Variants in TSGA10 observed in about 807,000 individuals in gnomAD.
The protein encoded by TSGA10 is testis-specific gene 10 protein.
Under a neutral mutation model 96.6 loss-of-function variants are expected in TSGA10, and 43 were observed. That is an observed-to-expected ratio of 0.44 (90% confidence interval 0.35 to 0.57). The LOEUF (loss-of-function observed/expected upper bound fraction) is 0.57, where lower values mean the gene tolerates loss of function less well. Among genes scored for constraint, TSGA10 ranks in the 20% least tolerant of loss-of-function variants. TSGA10 has a pLI of 0.01. For synonymous variants in TSGA10, 229 were observed against 269.9 expected, an observed-to-expected ratio of 0.85 and a Z score of 1.48; for missense variants, 703 against 834.4, an observed-to-expected ratio of 0.84 and a Z score of 1.94.
At position 99,107,457 on chromosome 2, in the gene TSGA10, T is replaced by TA. The variant is rs1438740049; in HGVS notation, c.210+1375dup. Among the ~76,000 whole-genome samples, 33 of 148,486 alleles carry TA rather than the reference T, an allele frequency of 2.2e-4. No homozygotes were observed. In the East Asian group the frequency reaches 2.5e-3, roughly 11 times the overall value. On this transcript the variant is annotated intron_variant, in intron 7 of 20. Transcript: ENST00000393483. Reference sequence around the variant, plus strand: ...ACTTTGTTCATATTTTGCCTGCCTTTAAAAAAAAAAGATTGTTTGTTGCTT... The same window carrying TA: ...ACTTTGTTCATATTTTGCCTGCCTTTAAAAAAAAAAAGATTGTTTGTTGCTT...
At chr2:99,103,933 A>G (rs766034517) in intron 10 of TSGA10, 34 bp downstream of exon 10, 84 of 1,607,354 alleles carry the variant, frequency 5.2e-5, no homozygotes, top group Non-Finnish European at 7.1e-5. Flanking sequence ...TAGTTATAGT[A>G]AACTGTTGGT....
At chr2:99,012,324 C>T (rs1206799172) in intron 20 of TSGA10, among the ~76,000 whole-genome samples, 1 of 152,090 alleles carries the variant, frequency 6.6e-6, no homozygotes, top group African/African-American at 2.4e-5. Flanking sequence ...CAGAACAATA[C>T]CTAACATCTT....
At chr2:99,145,465 C>T (rs914953785) in intron 1 of TSGA10, among the ~76,000 whole-genome samples, 45 of 151,454 alleles carry the variant, frequency 3.0e-4, no homozygotes, top group African/African-American at 1.0e-3. Context: ...AGCTGAGGCA[C>T]GAGAATCACT....
At chr2:99,009,074 G>A (rs1287662683) in intron 20 of TSGA10, among the ~76,000 whole-genome samples, 1 of 152,042 alleles carries the variant, frequency 6.6e-6, no homozygotes, top group African/African-American at 2.4e-5. Context: ...TTTGCAGAGT[G>A]TTGACCTTCA....
chr2:99,038,657 C>T (rs186757171), intron 16 of TSGA10, among the ~76,000 whole-genome samples: 4 of 152,192 alleles, frequency 2.6e-5, no homozygotes, highest in African/African-American at 7.2e-5. Context: ...AATTTATAAG[C>T]AATTACTACT....
intron 15 of TSGA10, among the ~76,000 whole-genome samples, chr2:99,065,611 G>A (rs979341897): frequency 6.6e-6 from 1 of 152,046 alleles, no homozygotes; most frequent in African/African-American, 2.4e-5. Flanking sequence ...TTTCCTGTCT[G>A]GTGTCTGCCT....
intron 4 of TSGA10, among the ~76,000 whole-genome samples, chr2:99,115,021 C>G (rs1335137139): frequency 1.3e-5 from 2 of 152,286 alleles, no homozygotes; most frequent in Middle Eastern, 3.4e-3. Flanking sequence ...CAACCTCTGT[C>G]TCTCAGGCTC....
intron 10 of TSGA10, 136 bp from the exon 11 acceptor site, chr2:99,081,533 C>T (rs2087503102): frequency 2.6e-6 from 1 of 386,716 alleles, no homozygotes. Context: ...TTAATATTTT[C>T]ATTATAAAAC....
intron 14 of TSGA10, among the ~76,000 whole-genome samples, chr2:99,070,231 A>C (rs2085783746): frequency 6.6e-6 from 1 of 152,152 alleles, no homozygotes; most frequent in Admixed American, 6.5e-5. Context: ...TTATTGAGTG[A>C]TATACTGGAC....
At chr2:99,101,936 A>G in intron 10 of TSGA10, 2 of 681,638 alleles carry the variant, frequency 2.9e-6, no homozygotes, top group Non-Finnish European at 5.2e-6. Context: ...TCAGTTGTGC[A>G]ACACGAAAAA....
At chr2:99,095,446 T>TA (rs1350810733) in intron 10 of TSGA10, among the ~76,000 whole-genome samples, 4 of 152,120 alleles carry the variant, frequency 2.6e-5, no homozygotes, top group Non-Finnish European at 5.9e-5. Flanking sequence ...TTAGAAATAT[T>TA]AAAGATTGTA....
At chr2:98,999,624 G>A (rs1311074521) in intron 20 of TSGA10, among the ~76,000 whole-genome samples, 4 of 151,494 alleles carry the variant, frequency 2.6e-5, no homozygotes, top group Non-Finnish European at 5.9e-5. Flanking sequence ...AAAAAGCAAA[G>A]AAGACTGATC....
At chr2:99,110,820 G>A (rs908980602) in intron 5 of TSGA10, 30 bp downstream of exon 5, 15 of 561,894 alleles carry the variant, frequency 2.7e-5, no homozygotes, top group African/African-American at 1.2e-4. Flanking sequence ...AAATGATTCC[G>A]TAACACATAT....
Position 99,081,387 on chromosome 2 carries a change from C to T in TSGA10, c.622G>A (p.Glu208Lys), listed in dbSNP as rs1464264799. The T allele has an allele frequency of 6.4e-7, 1 of 1,554,984 alleles. No homozygotes were observed. The highest frequency in any genetic ancestry group is 8.7e-7 in the Non-Finnish European group (1 of 1,150,390). ...AENNSLRLLY[E>K]NTEKDLSDTQ... ...TCAGAAAGATCTTTTTCTGTGTTTT[C>T]ATACAAAAGTCTGCAAATATTTTAA... The change falls in exon 11 of 21, where the codon GAA (glutamate) becomes AAA (lysine). Residue 208 changes from glutamate (E) to lysine (K), a missense_variant. Glu to Lys is a moderately conservative substitution (Grantham distance 56, BLOSUM62 1). This residue lies in a region of TSGA10 where 585 missense variants were observed against 656.8 expected (regional missense o/e 0.89). Transcript: ENST00000393483.
rs2079896164 is a variant in TSGA10, at chr2:99,020,449, T to C, written c.1648A>G (p.Ile550Val). The change falls in exon 18 of 21, where the codon ATT becomes GTT. Residue 550 changes from isoleucine (I) to valine (V), a missense_variant. By Grantham distance (29) the Ile-to-Val change is conservative. Around this residue, in one of 3 missense-constraint regions of TSGA10, gnomAD observed 585 missense variants for 656.8 expected, o/e 0.89. Transcript: ENST00000393483. ...ENELDSAHSEIELLRSQMANE... is the reference protein window; with the variant it reads ...ENELDSAHSEVELLRSQMANE... ...GCCATCTGACTCCTCAGGAGTTCAA[T>C]TTCAGAATGAGCAGAATCTAACTCA... 2 of 1,613,544 alleles carry C rather than the reference T, an allele frequency of 1.2e-6. No individual in the cohort carries two copies. The highest frequency in any genetic ancestry group is 1.7e-6 in the Non-Finnish European group (2 of 1,179,744).
chr2:99,141,136 T>A (rs1416280501), intron 1 of TSGA10: 8 of 1,273,926 alleles, frequency 6.3e-6, no homozygotes, highest in Non-Finnish European at 6.1e-6. Flanking sequence ...TGCCCAGAGC[T>A]CATCCCCGCG....
At chr2:98,998,312 G>A in intron 20 of TSGA10, 91 bp from the exon 21 acceptor site, 2 of 1,037,868 alleles carry the variant, frequency 1.9e-6, no homozygotes, top group Non-Finnish European at 2.9e-6. Context: ...TATCACTTCA[G>A]CAAAACGTAA....
rs182371357 is a variant in TSGA10, at chr2:99,041,404, G to A, written c.1405-5965C>T. On this transcript the variant is annotated intron_variant, in intron 16 of 20. Transcript: ENST00000393483. Reference sequence around the variant, plus strand: ...AAGACTAAGCAAAAAGAACAAATCTGGAGGCATCACTTACCCAACTTCAAA... The same window carrying A: ...AAGACTAAGCAAAAAGAACAAATCTAGAGGCATCACTTACCCAACTTCAAA... 5.3e-5 allele frequency among the ~76,000 whole-genome samples: 8 copies of A among 152,294 alleles called. 1 individual carries two copies. Among genetic ancestry groups the A allele is most frequent in the Admixed American group, 5.2e-4 (8 of 15,288 alleles).
intron 1 of TSGA10, among the ~76,000 whole-genome samples, chr2:99,132,370 C>A (rs558648088): frequency 2.6e-5 from 4 of 151,706 alleles, no homozygotes; most frequent in Non-Finnish European, 5.9e-5. Context: ...ATATACCCTT[C>A]CAGGAATTTG....
Sources: allele counts gnomAD v4.1 joint callset (sites outside exome capture counted in the v4.1 genomes callset), GRCh38; gene constraint gnomAD v4.1.1; regional missense constraint gnomAD v4.1.1; transcripts MANE v1.5; gene names NCBI Gene and HGNC (gene_info 2026-07-23, HGNC 2026-07-21).